Variants in CFAP95 observed in about 807,000 individuals in gnomAD.
CFAP95 encodes cilia and flagella associated protein 95, also known as cilia- and flagella-associated protein 95.
At chr9:69,860,347 G>T in the CFAP95 span, among the ~76,000 whole-genome samples, 1 of 152,068 alleles carries the variant, frequency 6.6e-6, no homozygotes, top group African/African-American at 2.4e-5. Flanking sequence ...AGAGAGAGGG[G>T]AGGAGGTGCC....
At chr9:69,861,613 G>A in the CFAP95 span, among the ~76,000 whole-genome samples, 6 of 151,244 alleles carry the variant, frequency 4.0e-5, no homozygotes, top group African/African-American at 1.5e-4. Context: ...ACAGGCCTTT[G>A]CTGACTTAGG....
the CFAP95 span, among the ~76,000 whole-genome samples, chr9:69,834,666 G>C: frequency 6.6e-6 from 1 of 152,144 alleles, no homozygotes; most frequent in Non-Finnish European, 1.5e-5. Context: ...TTATAATAAT[G>C]ATGGGTCTTA....
chr9:69,900,372 T>G, the CFAP95 span, among the ~76,000 whole-genome samples: 5 of 152,210 alleles, frequency 3.3e-5, no homozygotes, highest in Admixed American at 2.0e-4. Context: ...GGATGTGACT[T>G]AGCATCCTGA....
At chr9:69,860,780 A>C in the CFAP95 span, among the ~76,000 whole-genome samples, 7 of 152,072 alleles carry the variant, frequency 4.6e-5, no homozygotes, top group Non-Finnish European at 1.0e-4. Context: ...AGACACAAAC[A>C]CACACCTTAG....
the CFAP95 span, among the ~76,000 whole-genome samples, chr9:69,900,433 G>T: frequency 6.6e-6 from 1 of 152,204 alleles, no homozygotes; most frequent in Non-Finnish European, 1.5e-5. Flanking sequence ...TGCCTGTTCT[G>T]TTCTCTGAGG....
chr9:69,865,754 A>G, the CFAP95 span, among the ~76,000 whole-genome samples: 35,620 of 152,070 alleles, frequency 0.23, 4,784 homozygotes, highest in Non-Finnish European at 0.29. Context: ...TTCTTATACA[A>G]GCTGATATTT....
At chr9:69,863,394 G>A in the CFAP95 span, among the ~76,000 whole-genome samples, 2 of 152,220 alleles carry the variant, frequency 1.3e-5, no homozygotes, top group African/African-American at 4.8e-5. Flanking sequence ...ATGGCATATA[G>A]GAAAAGTAGA....
the CFAP95 span, among the ~76,000 whole-genome samples, chr9:69,824,623 T>C: frequency 1.3e-5 from 2 of 151,956 alleles, no homozygotes; most frequent in Admixed American, 6.6e-5. Context: ...CTAAGCATCA[T>C]GCTAAGCACA....
the CFAP95 span, among the ~76,000 whole-genome samples, chr9:69,854,840 C>T: frequency 7.2e-5 from 11 of 152,336 alleles, no homozygotes; most frequent in East Asian, 2.1e-3. Context: ...ATACAACTAT[C>T]AGGTGGCCCT....
chr9:69,865,311 T>A, the CFAP95 span, among the ~76,000 whole-genome samples: 33 of 152,170 alleles, frequency 2.2e-4, no homozygotes, highest in Non-Finnish European at 4.4e-4. Flanking sequence ...ACTGTGAGAA[T>A]GAACTAATAC....
chr9:69,821,444 G>T, the CFAP95 span, among the ~76,000 whole-genome samples: 1 of 152,166 alleles, frequency 6.6e-6, no homozygotes, highest in Non-Finnish European at 1.5e-5. Context: ...GAGCGGGTGT[G>T]TATAAATAGG....
At chr9:69,822,085 T>A in the CFAP95 span, among the ~76,000 whole-genome samples, 3 of 152,344 alleles carry the variant, frequency 2.0e-5, no homozygotes, top group South Asian at 6.2e-4. Context: ...TGGAAACTTT[T>A]AGGACTTTTC....
chr9:69,839,839 G>A, the CFAP95 span, among the ~76,000 whole-genome samples: 6 of 151,644 alleles, frequency 4.0e-5, no homozygotes, highest in South Asian at 2.1e-4. Context: ...ACTTTGGGAG[G>A]TCTAGGTGGG....
chr9:69,888,886 A>AAG, the CFAP95 span, among the ~76,000 whole-genome samples: 1 of 22,152 alleles, frequency 4.5e-5, no homozygotes, highest in Non-Finnish European at 9.2e-5. Context: ...TCAAAAAGGG[A>AAG]AAAAAAAAAA....
the CFAP95 span, among the ~76,000 whole-genome samples, chr9:69,900,939 A>G: frequency 3.3e-5 from 5 of 152,216 alleles, no homozygotes; most frequent in East Asian, 9.6e-4. Context: ...ATATGTATAC[A>G]TGTGCCATGT....
At chr9:69,874,060 G>A in the CFAP95 span, among the ~76,000 whole-genome samples, 1 of 152,164 alleles carries the variant, frequency 6.6e-6, no homozygotes, top group Non-Finnish European at 1.5e-5. Flanking sequence ...TGTGGGTGGT[G>A]CAGGGTGAAA....
chr9:69,867,424 T>C, the CFAP95 span, among the ~76,000 whole-genome samples: 1 of 152,204 alleles, frequency 6.6e-6, no homozygotes, highest in Non-Finnish European at 1.5e-5. Flanking sequence ...CAGGTTTCTC[T>C]GTAGTTTTGG....
chr9:69,890,780 G>C, the CFAP95 span, among the ~76,000 whole-genome samples: 1 of 152,088 alleles, frequency 6.6e-6, no homozygotes, highest in Non-Finnish European at 1.5e-5. Flanking sequence ...TTATATTATG[G>C]TCTCTTACGT....
At chr9:69,826,604 T>C in the CFAP95 span, among the ~76,000 whole-genome samples, 1 of 152,212 alleles carries the variant, frequency 6.6e-6, no homozygotes, top group Non-Finnish European at 1.5e-5. Flanking sequence ...GCCTTTAACA[T>C]AGACTTAGGC....
Sources: gnomAD v4.1 joint callset for allele counts (sites outside exome capture counted in the v4.1 genomes callset) on GRCh38, gnomAD v4.1.1 for gene constraint, MANE v1.5 for transcripts, NCBI Gene and HGNC (gene_info 2026-07-23, HGNC 2026-07-21) for gene names.